The following CUL3 variants were observed in gnomAD, a reference collection of about 807,000 sequenced individuals.
CUL3 encodes cullin 3, also known as cullin-3.
In CUL3, 19 loss-of-function variants were observed where a neutral mutation model predicts 89.1. The observed-to-expected ratio is 0.21, with a 90% CI of 0.15 to 0.31. CUL3 has a LOEUF of 0.31. Ranked by LOEUF, CUL3 falls within the 10% of genes least tolerant of loss-of-function variation. The pLI is 1.00. For synonymous variants in CUL3, 351 were observed against 308.4 expected, an observed-to-expected ratio of 1.14 and a Z score of -1.45; for missense variants, 469 against 942.3, an observed-to-expected ratio of 0.50 and a Z score of 6.58.
At chr2:224,569,861 G>T (rs1370317873) in intron 1 of CUL3, 18 of 975,194 alleles carry the variant, frequency 1.8e-5, no homozygotes, top group Non-Finnish European at 2.1e-5. Flanking sequence ...TGGGGGAAAG[G>T]GTGAGAATTT....
At chr2:224,511,064 G>C (rs1692808375) in intron 6 of CUL3, among the ~76,000 whole-genome samples, 1 of 152,200 alleles carries the variant, frequency 6.6e-6, no homozygotes, top group African/African-American at 2.4e-5. Context: ...AGGAATGAAT[G>C]AGGAGCTCAC....
intron 2 of CUL3, among the ~76,000 whole-genome samples, chr2:224,547,328 T>C (rs1158744065): frequency 6.6e-6 from 1 of 152,178 alleles, no homozygotes; most frequent in African/African-American, 2.4e-5. Flanking sequence ...ATGAACAACA[T>C]GTTCACCTTC....
intron 13 of CUL3, among the ~76,000 whole-genome samples, chr2:224,490,938 T>C (rs1445320408): frequency 6.6e-6 from 1 of 152,154 alleles, no homozygotes; most frequent in Admixed American, 6.5e-5. Flanking sequence ...TATGCTTGTA[T>C]CAAGATATCT....
intron 1 of CUL3, among the ~76,000 whole-genome samples, chr2:224,572,044 G>C (rs62187046): frequency 1.3e-4 from 20 of 152,168 alleles, no homozygotes; most frequent in Non-Finnish European, 2.6e-4. Context: ...AATAATCAGA[G>C]TGCTCAATAC....
At chr2:224,531,712 C>T (rs1300090677) in intron 3 of CUL3, among the ~76,000 whole-genome samples, 1 of 150,790 alleles carries the variant, frequency 6.6e-6, no homozygotes, top group African/African-American at 2.4e-5. Context: ...TAAGGTAAGA[C>T]ATAAAGAATA....
intron 3 of CUL3, among the ~76,000 whole-genome samples, chr2:224,527,506 C>G (rs752629025): frequency 5.9e-5 from 9 of 152,154 alleles, no homozygotes; most frequent in Admixed American, 1.3e-4. Flanking sequence ...TGGTTCACAC[C>G]ATGAGCAACA....
chr2:224,564,379 G>A (rs1019073502), intron 1 of CUL3, among the ~76,000 whole-genome samples: 1 of 152,224 alleles, frequency 6.6e-6, no homozygotes, highest in Non-Finnish European at 1.5e-5. Flanking sequence ...AACTACAGAA[G>A]TATGGCCACT....
intron 2 of CUL3, among the ~76,000 whole-genome samples, chr2:224,556,918 C>T (rs1439665660): frequency 1.3e-5 from 2 of 151,980 alleles, no homozygotes; most frequent in African/African-American, 4.8e-5. Context: ...CAAGAGTTCA[C>T]ATCGTGCTAT....
intron 1 of CUL3, among the ~76,000 whole-genome samples, chr2:224,559,232 T>A (rs1387605934): frequency 6.6e-6 from 1 of 151,918 alleles, no homozygotes; most frequent in African/African-American, 2.4e-5. Flanking sequence ...GAAGGATCAC[T>A]GGAGCTTAGG....
chr2:224,540,746 T>C (rs1228933150), intron 2 of CUL3, among the ~76,000 whole-genome samples: 5 of 152,162 alleles, frequency 3.3e-5, no homozygotes, highest in South Asian at 2.1e-4. Flanking sequence ...GTTTGTTACA[T>C]AGGTATATGT....
intron 10 of CUL3, 112 bp from the exon 11 acceptor site, chr2:224,500,599 T>A: frequency 4.7e-6 from 4 of 843,750 alleles, no homozygotes; most frequent in African/African-American, 1.8e-5. Context: ...GTCTAATATC[T>A]AATTTAAAAA....
intron 2 of CUL3, among the ~76,000 whole-genome samples, chr2:224,556,756 G>C (rs1307684541): frequency 6.6e-6 from 1 of 152,076 alleles, no homozygotes; most frequent in Non-Finnish European, 1.5e-5. Context: ...ATGTTGCAAA[G>C]TCTTTTGGGG....
chr2:224,492,670 A>C (rs531839035), intron 13 of CUL3, among the ~76,000 whole-genome samples: 1 of 152,204 alleles, frequency 6.6e-6, no homozygotes, highest in African/African-American at 2.4e-5. Context: ...CCTCAGCAGC[A>C]GCCTGACTAC....
chr2:224,535,767 G>A, intron 2 of CUL3, 126 bp from the exon 3 acceptor site: 1 of 669,464 alleles, frequency 1.5e-6, no homozygotes, highest in South Asian at 1.7e-5. Flanking sequence ...AAATGTTATA[G>A]GCTAGTAGAA....
At chr2:224,545,388 A>T (rs927240849) in intron 2 of CUL3, among the ~76,000 whole-genome samples, 8 of 152,182 alleles carry the variant, frequency 5.3e-5, no homozygotes, top group African/African-American at 1.9e-4. Context: ...CATTGCTGCC[A>T]GAAGATTCCT....
chr2:224,559,604 T>C (rs1694840899), intron 1 of CUL3, among the ~76,000 whole-genome samples: 1 of 152,152 alleles, frequency 6.6e-6, no homozygotes, highest in African/African-American at 2.4e-5. Context: ...GTCTCCAAGT[T>C]CCATCTTTCC....
At chr2:224,481,019 T>G (rs918568229) in intron 14 of CUL3, among the ~76,000 whole-genome samples, 3 of 152,060 alleles carry the variant, frequency 2.0e-5, no homozygotes, top group African/African-American at 7.2e-5. Context: ...AAACAAAAAT[T>G]TAAGTGTGCA....
chr2:224,532,218 G>A (rs1426315258), intron 3 of CUL3, among the ~76,000 whole-genome samples: 1 of 152,064 alleles, frequency 6.6e-6, no homozygotes, highest in Non-Finnish European at 1.5e-5. Context: ...TCTGCACAGA[G>A]GCACATGAAG....
chr2:224,585,154 T>A lies in CUL3; in HGVS notation c.-145A>T. The stretch of plus-strand genomic sequence containing the variant: ...CAGGGCTGGGGAGCTGGCCGGCCCC[T>A]GGGCAGCCGCGGCGGCGGCGGGGGC... On this transcript the variant is annotated 5_prime_UTR_variant, in exon 1 of 16. Transcript: ENST00000264414. 2.5e-6 allele frequency: 1 copy of A among 407,608 alleles called. No individual in the cohort carries two copies. Among genetic ancestry groups the A allele is most frequent in the East Asian group, 7.6e-5 (1 of 13,168 alleles). 25.2% of individuals were successfully genotyped at this position (407,608 alleles called of 1,614,324 possible). A position where few individuals can be genotyped will look rare whatever the true frequency, so the allele number is the denominator to read the frequency against.
Sources: allele counts gnomAD v4.1 joint callset (sites outside exome capture counted in the v4.1 genomes callset), GRCh38; gene constraint gnomAD v4.1.1; transcripts MANE v1.5; gene names NCBI Gene and HGNC (gene_info 2026-07-23, HGNC 2026-07-21).